The following TMEM132D variants were observed in gnomAD, a reference collection of about 807,000 sequenced individuals.
TMEM132D encodes mature OL transmembrane protein.
Under a neutral mutation model 62.3 loss-of-function variants are expected in TMEM132D, and 21 were observed. The observed-to-expected ratio is 0.34, with a 90% CI of 0.24 to 0.49. The LOEUF (loss-of-function observed/expected upper bound fraction) is 0.49. TMEM132D is among the 20% of genes least tolerant of loss of function. The probability of loss-of-function intolerance (pLI) is 0.99; values close to 1 mark genes in which losing one functional copy is unlikely to be tolerated. For missense variants in TMEM132D, 1,346 were observed against 1,402.8 expected, an observed-to-expected ratio of 0.96 and a Z score of 0.65; for synonymous variants, 621 against 575.6, an observed-to-expected ratio of 1.08 and a Z score of -1.13.
chr12:129,296,627 G>A (rs1881584963), intron 4 of TMEM132D, among the ~76,000 whole-genome samples: 1 of 152,164 alleles, frequency 6.6e-6, no homozygotes. Context: ...TCCCATCCAA[G>A]GTGTGAGATA....
Position 129,368,667 on chromosome 12 carries a change from G to A in TMEM132D, c.1116-30850C>T, listed in dbSNP as rs148322368. On this transcript the variant is annotated intron_variant, in intron 3 of 8. Coordinates refer to ENST00000422113, the MANE Select transcript of TMEM132D (RefSeq NM_133448.3). Reference sequence around the variant, plus strand: ...CGAGCATTCAGTGACTACCTGATTCGATGACTGTGGGCAGTGTTGCAAACT... The same window carrying A: ...CGAGCATTCAGTGACTACCTGATTCAATGACTGTGGGCAGTGTTGCAAACT... Among the ~76,000 whole-genome samples the A allele has an allele frequency of 2.8e-3, 419 of 151,766 alleles. 4 individuals are homozygous for A. The highest frequency in any genetic ancestry group is 9.5e-3 in the African/African-American group (392 of 41,386).
chr12:129,562,806 C>T (rs993879995), intron 2 of TMEM132D, among the ~76,000 whole-genome samples: 8 of 152,148 alleles, frequency 5.3e-5, no homozygotes, highest in Non-Finnish European at 8.8e-5. Context: ...TCCCAACCTT[C>T]GTTCCACCTG....
chr12:129,180,661 T>A (rs1056977389), intron 5 of TMEM132D, among the ~76,000 whole-genome samples: 4 of 152,248 alleles, frequency 2.6e-5, no homozygotes, highest in African/African-American at 9.6e-5. Context: ...AAGGCCTTTT[T>A]GAGAAGGTGA....
At chr12:129,488,727 G>A (rs1566086140) in intron 3 of TMEM132D, among the ~76,000 whole-genome samples, 1 of 152,114 alleles carries the variant, frequency 6.6e-6, no homozygotes. Flanking sequence ...CAGGAGTGTG[G>A]CGGGGGAAAC....
At chr12:129,806,890 C>T (rs1872006890) in intron 1 of TMEM132D, among the ~76,000 whole-genome samples, 2 of 151,726 alleles carry the variant, frequency 1.3e-5, no homozygotes, top group Admixed American at 1.3e-4. Context: ...TAAAACTAGC[C>T]AGGCCTGGTG....
chr12:129,664,328 A>G (rs1056509505), intron 2 of TMEM132D, among the ~76,000 whole-genome samples: 2 of 152,154 alleles, frequency 1.3e-5, no homozygotes, highest in Admixed American at 1.3e-4. Context: ...TTTAGCTTAG[A>G]ACCAGATTTG....
intron 2 of TMEM132D, among the ~76,000 whole-genome samples, chr12:129,678,337 G>T (rs1880691131): frequency 6.6e-6 from 1 of 151,940 alleles, no homozygotes; most frequent in Non-Finnish European, 1.5e-5. Context: ...GCTTAATTTT[G>T]GCAATATGGT....
intron 1 of TMEM132D, among the ~76,000 whole-genome samples, chr12:129,875,512 G>A (rs1874389714): frequency 6.6e-6 from 1 of 152,146 alleles, no homozygotes. Flanking sequence ...CATGGAACTG[G>A]TGCTATCCTG....
At chr12:129,182,741 C>T (rs1401938831) in intron 5 of TMEM132D, among the ~76,000 whole-genome samples, 2 of 152,342 alleles carry the variant, frequency 1.3e-5, no homozygotes, top group Admixed American at 6.5e-5. Flanking sequence ...GGCACTGTGG[C>T]CCAGTCAAGT....
intron 5 of TMEM132D, among the ~76,000 whole-genome samples, chr12:129,158,434 CT>C (rs5801837): frequency 0.61 from 93,264 of 152,010 alleles, 29,105 homozygotes; most frequent in Non-Finnish European, 0.67. Context: ...TTTAAGTTAT[CT>C]GTGTGATACC....
At chr12:129,606,823 A>T (rs1412851271) in intron 2 of TMEM132D, among the ~76,000 whole-genome samples, 1 of 152,224 alleles carries the variant, frequency 6.6e-6, no homozygotes, top group Non-Finnish European at 1.5e-5. Context: ...TATCTGATTC[A>T]AGAACTCTCT....
chr12:129,512,423 C>T (rs1024797825), intron 3 of TMEM132D, among the ~76,000 whole-genome samples: 2 of 152,122 alleles, frequency 1.3e-5, no homozygotes, highest in East Asian at 1.9e-4. Flanking sequence ...TCAAAAGAGA[C>T]GAGCCCTTCT....
intron 1 of TMEM132D, among the ~76,000 whole-genome samples, chr12:129,806,807 C>A (rs1236847351): frequency 1.3e-5 from 2 of 152,184 alleles, no homozygotes; most frequent in African/African-American, 4.8e-5. Flanking sequence ...GGGTGCATTG[C>A]TTGAGCCCAG....
intron 5 of TMEM132D, among the ~76,000 whole-genome samples, chr12:129,120,476 C>T (rs896793608): frequency 4.6e-5 from 7 of 152,068 alleles, no homozygotes; most frequent in East Asian, 1.9e-4. Context: ...ACCCAAACTG[C>T]GAGGCATTCC....
At chr12:129,368,432 G>C (rs1346965304) in intron 3 of TMEM132D, among the ~76,000 whole-genome samples, 1 of 152,036 alleles carries the variant, frequency 6.6e-6, no homozygotes, top group African/African-American at 2.4e-5. Flanking sequence ...TTACCATTCT[G>C]TTCATTTGTT....
chr12:129,587,415 G>T (rs577297454), intron 2 of TMEM132D, among the ~76,000 whole-genome samples: 31 of 152,192 alleles, frequency 2.0e-4, no homozygotes, highest in African/African-American at 7.5e-4. Flanking sequence ...AAGAGGGAGA[G>T]GATCAGGAAA....
At chr12:129,661,746 A>G (rs1410934314) in intron 2 of TMEM132D, among the ~76,000 whole-genome samples, 1 of 152,188 alleles carries the variant, frequency 6.6e-6, no homozygotes, top group Non-Finnish European at 1.5e-5. Flanking sequence ...AAATTCAACA[A>G]TAGTAATTTC....
At chr12:129,440,739 C>T (rs763279945) in intron 3 of TMEM132D, among the ~76,000 whole-genome samples, 2 of 152,258 alleles carry the variant, frequency 1.3e-5, no homozygotes, top group Admixed American at 6.5e-5. Flanking sequence ...ACTTCCCTCT[C>T]GAACGCTGAC....
intron 3 of TMEM132D, among the ~76,000 whole-genome samples, chr12:129,452,569 G>A (rs1378855117): frequency 6.6e-6 from 1 of 152,148 alleles, no homozygotes; most frequent in African/African-American, 2.4e-5. Context: ...GGGTTATCAG[G>A]TCAGCACTAA....
Sources: allele counts gnomAD v4.1 joint callset (sites outside exome capture counted in the v4.1 genomes callset), GRCh38; gene constraint gnomAD v4.1.1; transcripts MANE v1.5; gene names NCBI Gene and HGNC (gene_info 2026-07-23, HGNC 2026-07-21).